The following PCDHA13 variants were observed in gnomAD, a reference collection of about 807,000 sequenced individuals.
PCDHA13 encodes protocadherin alpha 13.
Under a neutral mutation model 64.8 loss-of-function variants are expected in PCDHA13, and 54 were observed. That is an observed-to-expected ratio of 0.83 (90% CI 0.67 to 1.04). PCDHA13 has a LOEUF of 1.04. PCDHA13 is among the 50% of genes least tolerant of loss of function. The probability of loss-of-function intolerance (pLI) is 0.00; values close to 1 mark genes in which losing one functional copy is unlikely to be tolerated. For missense variants in PCDHA13, 1,248 were observed against 1,254.3 expected, an observed-to-expected ratio of 0.99 and a Z score of 0.08; for synonymous variants, 587 against 564.4, an observed-to-expected ratio of 1.04 and a Z score of -0.57.
rs1554206636 is a variant in PCDHA13, at chr5:140,929,056, A to G, written c.2394+44394A>G. The G allele has an allele frequency of 1.2e-6, 2 of 1,614,064 alleles. No individual in the cohort carries two copies. Among genetic ancestry groups the G allele is most frequent in the Non-Finnish European group, 1.7e-6 (2 of 1,180,034 alleles). On this transcript the variant is annotated intron_variant, in intron 1 of 3. Transcript: ENST00000289272. ...TTGCGCTCAGAGCTGCTGTCGCTCTACAGAGGATCTGAGGTATGGAAGTAA... is the reference window on the plus strand; with the variant it reads ...TTGCGCTCAGAGCTGCTGTCGCTCTGCAGAGGATCTGAGGTATGGAAGTAA...
At chr5:140,956,073 T>C (rs2095254120) in intron 1 of PCDHA13, among the ~76,000 whole-genome samples, 1 of 152,208 alleles carries the variant, frequency 6.6e-6, no homozygotes, top group South Asian at 2.1e-4. Context: ...TTTCCAGATA[T>C]AGGATCATGT....
chr5:141,007,647 A>T (rs1554261419), intron 3 of PCDHA13, among the ~76,000 whole-genome samples: 1 of 152,174 alleles, frequency 6.6e-6, no homozygotes, highest in Admixed American at 6.5e-5. Context: ...GTATTTGCCT[A>T]AAAAACCATA....
intron 1 of PCDHA13, among the ~76,000 whole-genome samples, chr5:140,901,939 A>G (rs1583441166): frequency 6.6e-6 from 1 of 151,884 alleles, no homozygotes; most frequent in Non-Finnish European, 1.5e-5. Flanking sequence ...TCCTAGGTAT[A>G]TTTAGTTTTA....
At chr5:140,952,705 T>C (rs2094784320) in intron 1 of PCDHA13, among the ~76,000 whole-genome samples, 1 of 152,160 alleles carries the variant, frequency 6.6e-6, no homozygotes, top group Non-Finnish European at 1.5e-5. Context: ...TATCCCACTC[T>C]CAGTATCAAT....
intron 1 of PCDHA13, among the ~76,000 whole-genome samples, chr5:140,912,146 T>G (rs1248730371): frequency 6.6e-6 from 1 of 152,202 alleles, no homozygotes; most frequent in Admixed American, 6.5e-5. Flanking sequence ...CATGTTCTTC[T>G]GCCTGTTTTT....
At chr5:140,928,194 A>G in intron 1 of PCDHA13, 2 of 1,614,204 alleles carry the variant, frequency 1.2e-6, no homozygotes, top group East Asian at 2.2e-5. Context: ...TCACTGTGTC[A>G]GTTGCTGATG....
intron 1 of PCDHA13, among the ~76,000 whole-genome samples, chr5:140,900,263 G>A (rs909474202): frequency 2.0e-5 from 3 of 151,830 alleles, no homozygotes; most frequent in African/African-American, 7.3e-5. Flanking sequence ...GTACTCCATT[G>A]TGTATATGTA....
chr5:140,893,210 G>C (rs2063874103), intron 1 of PCDHA13, among the ~76,000 whole-genome samples: 1 of 152,204 alleles, frequency 6.6e-6, no homozygotes, highest in Non-Finnish European at 1.5e-5. Flanking sequence ...GTAAGTATGG[G>C]AGGTGCAGGT....
intron 3 of PCDHA13, among the ~76,000 whole-genome samples, chr5:141,001,895 G>T (rs1390745542): frequency 3.9e-5 from 6 of 152,208 alleles, no homozygotes; most frequent in Non-Finnish European, 8.8e-5. Context: ...AGAAATCGGG[G>T]CTGTTTGAAA....
At chr5:140,959,066 G>T (rs913581823) in intron 1 of PCDHA13, among the ~76,000 whole-genome samples, 81 of 152,142 alleles carry the variant, frequency 5.3e-4, no homozygotes, top group African/African-American at 1.9e-3. Flanking sequence ...AGTATATATA[G>T]AATTCAGTAT....
Position 140,882,482 on chromosome 5 carries a change from G to A in PCDHA13, c.214G>A (p.Gly72Arg). ...GTTCCGGGTGGCGTCCAAAAGACAC[G>A]GGGACCTTCTGGAGGTAAATCTGCA... Reference protein sequence around the residue: ...RLFRVASKRHGDLLEVNLQNG... With the variant: ...RLFRVASKRHRDLLEVNLQNG... Residue 72 changes from glycine to arginine, a missense_variant, in exon 1 of 4, where the codon GGG becomes AGG. Coordinates refer to ENST00000289272, the MANE Select transcript of PCDHA13 (RefSeq NM_018904.3). 1 of 1,614,048 alleles carries A rather than the reference G, an allele frequency of 6.2e-7. No homozygotes were observed. The highest frequency in any genetic ancestry group is 1.1e-5 in the South Asian group (1 of 91,064).
At chr5:140,971,715 T>C (rs2096493906) in intron 1 of PCDHA13, among the ~76,000 whole-genome samples, 1 of 152,048 alleles carries the variant, frequency 6.6e-6, no homozygotes. Context: ...TATATAGATA[T>C]ATGTATATCA....
intron 1 of PCDHA13, among the ~76,000 whole-genome samples, chr5:140,974,181 A>G (rs1361812242): frequency 3.9e-5 from 6 of 152,226 alleles, no homozygotes; most frequent in Non-Finnish European, 8.8e-5. Context: ...TAACTTGACA[A>G]ATGCAAAGGA....
At chr5:140,927,590 T>C (rs782100491) in intron 1 of PCDHA13, 21 of 1,614,058 alleles carry the variant, frequency 1.3e-5, no homozygotes, top group Non-Finnish European at 1.4e-5. Flanking sequence ...GCGCCTGTAT[T>C]TGAGCGCTCC....
intron 3 of PCDHA13, among the ~76,000 whole-genome samples, chr5:140,992,700 G>A (rs2097525204): frequency 6.6e-6 from 1 of 152,162 alleles, no homozygotes; most frequent in Non-Finnish European, 1.5e-5. Flanking sequence ...GGTGGGTAAT[G>A]TTCCTGCCAG....
chr5:140,967,278 G>A (rs2096121968), intron 1 of PCDHA13: 1 of 1,613,290 alleles, frequency 6.2e-7, no homozygotes. Flanking sequence ...CACATAGAGA[G>A]TGCGCAGGAC....
At position 140,883,141 on chromosome 5, in the gene PCDHA13, T is replaced by C. The variant is rs975281074; in HGVS notation, c.873T>C (p.Tyr291=). 5 of 1,614,092 alleles carry C rather than the reference T, an allele frequency of 3.1e-6. No homozygotes were observed. Among genetic ancestry groups the C allele is most frequent in the Non-Finnish European group, 4.2e-6 (5 of 1,180,030 alleles). The stretch of plus-strand genomic sequence containing the variant: ...GGCCTGTATGGCCTGCAGTGGTATA[T>C]GCATTTACCATAAATCCGAACAATG... The part of the protein sequence containing the change: ...FRRPVWPAVV[Y]AFTINPNNGE... The change falls in exon 1 of 4, where the codon TAT becomes TAC. Residue 291 remains tyrosine, a synonymous_variant. Transcript: ENST00000289272.
At chr5:140,891,801 C>T (rs2063255606) in intron 1 of PCDHA13, among the ~76,000 whole-genome samples, 1 of 152,056 alleles carries the variant, frequency 6.6e-6, no homozygotes, top group Non-Finnish European at 1.5e-5. Context: ...AGGGATCTGC[C>T]CTCATGAATA....
At chr5:140,899,204 C>T (rs1286752140) in intron 1 of PCDHA13, among the ~76,000 whole-genome samples, 2 of 151,972 alleles carry the variant, frequency 1.3e-5, no homozygotes, top group African/African-American at 4.8e-5. Context: ...CCTAATTGCC[C>T]TGGCCAGAAC....
Sources: gnomAD v4.1 joint callset for allele counts (sites outside exome capture counted in the v4.1 genomes callset) on GRCh38, gnomAD v4.1.1 for gene constraint, MANE v1.5 for transcripts, NCBI Gene and HGNC (gene_info 2026-07-23, HGNC 2026-07-21) for gene names.